Variants in NBPF14 observed in about 807,000 individuals in gnomAD.
NBPF14 encodes NBPF member 14.
A neutral mutation model predicts 91.2 loss-of-function variants in NBPF14; 104 were observed. The observed-to-expected ratio is 1.14, with a 90% CI of 0.97 to 1.34. The LOEUF (loss-of-function observed/expected upper bound fraction) is 1.34. NBPF14 is among the 40% of genes most tolerant of loss of function. The probability of loss-of-function intolerance (pLI) is 0.00; values close to 1 mark genes in which losing one functional copy is unlikely to be tolerated. For synonymous variants in NBPF14, 294 were observed against 303.8 expected (o/e 0.97, Z 0.34); for missense variants, 908 against 783.0 (o/e 1.16, Z -1.91).
chr1:148,531,386 G>T (rs1653805506), exon 71 of NBPF14: 1 of 111,808 alleles, frequency 8.9e-6, no homozygotes, highest in Non-Finnish European at 1.8e-5. Context: ...AAATAAACAT[G>T]GAAATGAAAT....
chr1:148,534,601 A>G, intron 69 of NBPF14, 83 bp downstream of exon 69: 1 of 900,270 alleles, frequency 1.1e-6, no homozygotes, highest in South Asian at 1.3e-5. Context: ...CTCTCGGGTG[A>G]GTAAGGGCCA....
At chr1:148,534,600 G>A (rs1253890966) in intron 69 of NBPF14, 84 bp downstream of exon 69, 6 of 887,608 alleles carry the variant, frequency 6.8e-6, no homozygotes, top group Non-Finnish European at 9.5e-6. Context: ...TCTCTCGGGT[G>A]AGTAAGGGCC....
chr1:148,575,900 T>A (rs1240267191), intron 16 of NBPF14, 89 bp from the exon 17 acceptor site: 41 of 315,454 alleles, frequency 1.3e-4, no homozygotes, highest in South Asian at 4.7e-4. Flanking sequence ...CATAAGGAAC[T>A]GTTTAAAAAG....
intron 70 of NBPF14, 82 bp downstream of exon 70, chr1:148,533,779 A>T (rs1356898036): frequency 1.2e-5 from 9 of 763,852 alleles, no homozygotes; most frequent in Middle Eastern, 3.6e-4. Flanking sequence ...AAAATATGAC[A>T]TCAAACACAC....
exon 36 of NBPF14, chr1:148,560,593 G>C (rs1657689390): frequency 5.3e-6 from 1 of 187,070 alleles, no homozygotes. Flanking sequence ...CCTGGGGCAT[G>C]GTGGGTTTTG....
intron 64 of NBPF14, among the ~76,000 whole-genome samples, 186 bp from the exon 65 acceptor site, chr1:148,538,192 A>G (rs1655331522): frequency 1.7e-5 from 1 of 60,290 alleles, no homozygotes; most frequent in African/African-American, 7.9e-5. Flanking sequence ...AATGAAAGAG[A>G]AAGACAGATA....
intron 69 of NBPF14, 50 bp downstream of exon 69, chr1:148,534,634 T>A: frequency 2.2e-6 from 2 of 888,898 alleles, no homozygotes; most frequent in East Asian, 2.4e-5. Flanking sequence ...ATATCACCCC[T>A]ATCTGGAAGA....
intron 11 of NBPF14, among the ~76,000 whole-genome samples, 192 bp downstream of exon 11, chr1:148,584,279 G>C (rs1661188856): frequency 6.6e-6 from 1 of 151,728 alleles, no homozygotes; most frequent in African/African-American, 2.4e-5. Flanking sequence ...CTGGGGTTGA[G>C]TAACTTGATA....
Position 148,587,462 on chromosome 1 carries a change from T to G in NBPF14, c.989-59A>C, listed in dbSNP as rs1288039263. 367 of 1,496,054 alleles carry G rather than the reference T, an allele frequency of 2.5e-4. 39 individuals are homozygous for G. Among genetic ancestry groups the G allele is most frequent in the Middle Eastern group, 5.0e-4 (2 of 4,010 alleles). The allele number at this position is 1,496,054 out of a possible 1,614,324, so 92.7% of individuals were successfully genotyped here. A position where few individuals can be genotyped will look rare whatever the true frequency, so the allele number is the denominator to read the frequency against. On this transcript the variant is annotated intron_variant, in intron 7 of 70. Coordinates refer to ENST00000619423, the Ensembl canonical transcript of NBPF14. ...AGGCTGGACATGCTGCTGTGGTCAT[T>G]GCCTACAGGACAGGAGCCAGGTCCA...
At chr1:148,566,656 C>G (rs1359279277) in intron 28 of NBPF14, among the ~76,000 whole-genome samples, 2 of 136,146 alleles carry the variant, frequency 1.5e-5, no homozygotes, top group African/African-American at 5.4e-5. Flanking sequence ...ATACAGGGAT[C>G]ATGAAAAGAC....
intron 69 of NBPF14, among the ~76,000 whole-genome samples, chr1:148,534,402 A>T (rs1365049161): frequency 6.6e-6 from 1 of 151,782 alleles, no homozygotes; most frequent in African/African-American, 2.4e-5. Flanking sequence ...TCAAAATCAC[A>T]GTTCTCTGAA....
intron 37 of NBPF14, among the ~76,000 whole-genome samples, chr1:148,559,424 C>A: frequency 1.5e-5 from 2 of 134,030 alleles, no homozygotes; most frequent in Non-Finnish European, 3.0e-5. Context: ...ATCAAATACT[C>A]AGATTGTTCA....
At chr1:148,593,869 T>C (rs1236043212) in intron 2 of NBPF14, among the ~76,000 whole-genome samples, 169 bp from the exon 3 acceptor site, 1 of 149,478 alleles carries the variant, frequency 6.7e-6, no homozygotes, top group Non-Finnish European at 1.5e-5. Flanking sequence ...CTTTCTGGCA[T>C]CTGATCCTCC....
exon 29 of NBPF14, chr1:148,566,177 C>G: frequency 3.7e-6 from 2 of 539,400 alleles, no homozygotes; most frequent in South Asian, 3.7e-5. Flanking sequence ...CATGTTTTTC[C>G]TCCAATGCAT....
exon 4 of NBPF14, chr1:148,592,679 T>C: frequency 1.9e-6 from 3 of 1,588,608 alleles, no homozygotes; most frequent in East Asian, 4.5e-5. Context: ...GCTCATACAA[T>C]GAGCGGGAGG....
chr1:148,539,270 C>T, intron 63 of NBPF14, 140 bp downstream of exon 63: 1 of 631,888 alleles, frequency 1.6e-6, no homozygotes, highest in Non-Finnish European at 2.8e-6. Flanking sequence ...ACTACAGTTT[C>T]TTTACAACCT....
chr1:148,532,423 C>A (rs1653882130), exon 71 of NBPF14: 1 of 160,346 alleles, frequency 6.2e-6, no homozygotes, highest in Admixed American at 5.8e-5. Context: ...CTGTGGTCTT[C>A]CTAAGTACTG....
chr1:148,576,064 C>A (rs1659654814), intron 16 of NBPF14, among the ~76,000 whole-genome samples: 2 of 146,102 alleles, frequency 1.4e-5, no homozygotes, highest in Admixed American at 1.3e-4. Flanking sequence ...GGGTGACACA[C>A]TGATGAAGGG....
chr1:148,534,626 A>G, intron 69 of NBPF14, 58 bp downstream of exon 69: 1 of 897,870 alleles, frequency 1.1e-6, no homozygotes, highest in Non-Finnish European at 1.9e-6. Context: ...GAATAGGAAT[A>G]TCACCCCTAT....
Sources: allele counts gnomAD v4.1 joint callset (sites outside exome capture counted in the v4.1 genomes callset), GRCh38; gene constraint gnomAD v4.1.1; transcripts MANE v1.5; gene names NCBI Gene and HGNC (gene_info 2026-07-23, HGNC 2026-07-21).